CNTN6: variants seen among roughly 807,000 people sequenced by gnomAD.
The protein encoded by CNTN6 is contactin 6, also known as contactin-6.
Under a neutral mutation model 122.8 loss-of-function variants are expected in CNTN6, and 137 were observed. The observed-to-expected ratio is 1.12, with a 90% confidence interval of 0.97 to 1.29. CNTN6 has a LOEUF of 1.29. Ranked by LOEUF, CNTN6 falls within the 50% of genes most tolerant of loss-of-function variation. The probability of loss-of-function intolerance (pLI) is 0.00; values close to 1 mark genes in which losing one functional copy is unlikely to be tolerated. For missense variants in CNTN6, 1,634 were observed against 1,223.4 expected, an observed-to-expected ratio of 1.34 and a Z score of -5.01; for synonymous variants, 570 against 426.0, an observed-to-expected ratio of 1.34 and a Z score of -4.16.
At chr3:1,161,967 T>C (rs1315962648) in intron 2 of CNTN6, among the ~76,000 whole-genome samples, 1 of 152,144 alleles carries the variant, frequency 6.6e-6, no homozygotes, top group Admixed American at 6.5e-5. Flanking sequence ...AGAACAAAGA[T>C]AACATATTTG....
intron 1 of CNTN6, among the ~76,000 whole-genome samples, chr3:1,130,725 A>G (rs1361334346): frequency 1.3e-5 from 2 of 152,164 alleles, no homozygotes; most frequent in Non-Finnish European, 2.9e-5. Context: ...TCTCAAATGA[A>G]GACAACAATG....
At chr3:1,351,370 G>A (rs1306279546) in intron 11 of CNTN6, among the ~76,000 whole-genome samples, 2 of 151,928 alleles carry the variant, frequency 1.3e-5, no homozygotes, top group Non-Finnish European at 2.9e-5. Flanking sequence ...TTAAAAATTA[G>A]TATGTTGTCA....
intron 11 of CNTN6, among the ~76,000 whole-genome samples, chr3:1,336,703 C>A (rs1002693299): frequency 6.6e-6 from 1 of 151,826 alleles, no homozygotes; most frequent in African/African-American, 2.4e-5. Flanking sequence ...AAGAGTGAAC[C>A]CATTAGGTGA....
At chr3:1,165,033 A>G (rs2093215518) in intron 2 of CNTN6, among the ~76,000 whole-genome samples, 2 of 152,328 alleles carry the variant, frequency 1.3e-5, no homozygotes, top group South Asian at 4.1e-4. Flanking sequence ...GTGGTATCAT[A>G]TATAGTGCTT....
chr3:1,219,494 A>T (rs2094176148), intron 2 of CNTN6, among the ~76,000 whole-genome samples: 1 of 152,134 alleles, frequency 6.6e-6, no homozygotes, highest in African/African-American at 2.4e-5. Context: ...TGCTTTTATT[A>T]TTATTTTTGA....
chr3:1,103,412 G>T (rs1040875566), intron 1 of CNTN6, among the ~76,000 whole-genome samples: 1 of 152,012 alleles, frequency 6.6e-6, no homozygotes, highest in Admixed American at 6.5e-5. Flanking sequence ...CTTTTTTGTT[G>T]TCCCTTTGTG....
At chr3:1,315,140 G>A (rs56411324) in intron 7 of CNTN6, among the ~76,000 whole-genome samples, 10,777 of 151,958 alleles carry the variant, frequency 0.071, 510 homozygotes, top group Middle Eastern at 0.1. Flanking sequence ...GAGATTTAAC[G>A]ATAATCTCCA....
chr3:1,263,497 CG>C (rs1030908317), intron 4 of CNTN6, among the ~76,000 whole-genome samples: 1 of 152,098 alleles, frequency 6.6e-6, no homozygotes, highest in Admixed American at 6.6e-5. Context: ...CGAGTTCATT[CG>C]GGGCCGTTTT....
chr3:1,174,082 G>T (rs1482387126), intron 2 of CNTN6, among the ~76,000 whole-genome samples: 1 of 152,096 alleles, frequency 6.6e-6, no homozygotes, highest in Non-Finnish European at 1.5e-5. Flanking sequence ...TATCTTCATA[G>T]TGTCTCTCTC....
At chr3:1,124,496 G>C (rs1197080356) in intron 1 of CNTN6, among the ~76,000 whole-genome samples, 1 of 151,754 alleles carries the variant, frequency 6.6e-6, no homozygotes, top group Non-Finnish European at 1.5e-5. Flanking sequence ...CGAACATCCT[G>C]TCCCATAAGA....
At chr3:1,186,120 AAGAC>A (rs1330975934) in intron 2 of CNTN6, among the ~76,000 whole-genome samples, 1 of 152,192 alleles carries the variant, frequency 6.6e-6, no homozygotes, top group African/African-American at 2.4e-5. Flanking sequence ...AAGAAAACGA[AAGAC>A]AGCACAAGAA....
At chr3:1,204,220 G>C (rs924277735) in intron 2 of CNTN6, among the ~76,000 whole-genome samples, 1 of 152,030 alleles carries the variant, frequency 6.6e-6, no homozygotes, top group African/African-American at 2.4e-5. Flanking sequence ...GGAACCAATG[G>C]GCCACACTGC....
At chr3:1,380,297 A>G (rs780395355) in intron 17 of CNTN6, among the ~76,000 whole-genome samples, 1 of 152,202 alleles carries the variant, frequency 6.6e-6, no homozygotes. Context: ...GAACTGAACT[A>G]AATATCTTTC....
intron 3 of CNTN6, among the ~76,000 whole-genome samples, chr3:1,224,301 A>G (rs1005064014): frequency 1.3e-5 from 2 of 152,106 alleles, no homozygotes; most frequent in African/African-American, 4.8e-5. Flanking sequence ...AGGTGGGTCA[A>G]AGGGTGAGAA....
chr3:1,323,219 G>A (rs977977820), intron 8 of CNTN6, among the ~76,000 whole-genome samples: 2 of 151,730 alleles, frequency 1.3e-5, no homozygotes, highest in African/African-American at 4.8e-5. Context: ...TTAAGAGGTA[G>A]AAACAATGTT....
At chr3:1,220,624 A>T (rs9815298) in intron 2 of CNTN6, 63 bp from the exon 3 acceptor site, 1 of 1,397,352 alleles carries the variant, frequency 7.2e-7, no homozygotes, top group Admixed American at 2.3e-5. Flanking sequence ...GATATTTAAT[A>T]TAGACTTGCA....
chr3:1,332,974 C>T (rs115909748), intron 11 of CNTN6, among the ~76,000 whole-genome samples: 2,112 of 152,084 alleles, frequency 0.014, 62 homozygotes, highest in African/African-American at 0.048. Context: ...ACAATATTAA[C>T]GAAAGCTTTG....
intron 2 of CNTN6, among the ~76,000 whole-genome samples, chr3:1,213,741 G>T (rs1434460910): frequency 6.6e-6 from 1 of 151,688 alleles, no homozygotes; most frequent in Non-Finnish European, 1.5e-5. Context: ...TTAACGTCAA[G>T]ATTAAATTTT....
chr3:1,155,114 C>G lies in CNTN6; in HGVS notation c.55+7051C>G, dbSNP rs529353103. ...AGCTTATCCCACTATTGGTCCTAGT[C>G]ACTCTTGTCAACCTTTTTTACTGTT... is the stretch of plus-strand genomic sequence containing the variant. On this transcript the variant is annotated intron_variant, in intron 2 of 22. Coordinates refer to ENST00000446702, the MANE Select transcript of CNTN6 (RefSeq NM_001289080.2). Among the ~76,000 whole-genome samples, 5 of 152,296 alleles carry G rather than the reference C, an allele frequency of 3.3e-5. No homozygotes were observed. The South Asian group carries it at 1.0e-3, about 32-fold the overall frequency.
Sources: gnomAD v4.1 joint callset for allele counts (sites outside exome capture counted in the v4.1 genomes callset) on GRCh38, gnomAD v4.1.1 for gene constraint, MANE v1.5 for transcripts, NCBI Gene and HGNC (gene_info 2026-07-23, HGNC 2026-07-21) for gene names.